GORAB: variants seen among roughly 807,000 people sequenced by gnomAD.
The protein encoded by GORAB is golgin, RAB6 interacting, also known as RAB6-interacting golgin.
In GORAB, 17 loss-of-function variants were observed where a neutral mutation model predicts 29.9. The observed-to-expected ratio is 0.57, with a 90% CI of 0.39 to 0.85. The LOEUF is 0.85. Ranked by LOEUF, GORAB falls within the 40% of genes least tolerant of loss-of-function variation. GORAB has a pLI of 0.00. For synonymous variants in GORAB, 183 were observed against 157.2 expected, an observed-to-expected ratio of 1.16 and a Z score of -1.23; for missense variants, 442 against 437.8, an observed-to-expected ratio of 1.01 and a Z score of -0.09.
chr1:170,552,498 G>A lies in GORAB; in HGVS notation c.*36G>A. 6.4e-7 allele frequency: 1 copy of A among 1,556,264 alleles called. No homozygotes were observed. Among genetic ancestry groups the A allele is most frequent in the South Asian group, 1.1e-5 (1 of 89,690 alleles). On this transcript the variant is annotated 3_prime_UTR_variant, in exon 5 of 5. Transcript: ENST00000367763. ...TTCTTTTGAGCTAATATGGTATTGA[G>A]TAAAGTATACTTTTTGCAGTAGATC... is the stretch of plus-strand genomic sequence containing the variant.
intron 4 of GORAB, among the ~76,000 whole-genome samples, chr1:170,546,539 GA>G (rs1649774909): frequency 6.6e-6 from 1 of 152,102 alleles, no homozygotes; most frequent in South Asian, 2.1e-4. Context: ...ATTACTAAAG[GA>G]AAAAACATCC....
chr1:170,540,964 A>C (rs1470715594), intron 2 of GORAB, among the ~76,000 whole-genome samples: 1 of 152,140 alleles, frequency 6.6e-6, no homozygotes, highest in Non-Finnish European at 1.5e-5. Context: ...GCACTTTGGG[A>C]GGCTGAGGCA....
Position 170,539,388 on chromosome 1 carries a change from T to C in GORAB, c.240T>C (p.Phe80=). Residue 80 remains phenylalanine, a synonymous_variant, in exon 2 of 5, where the codon TTT becomes TTC. Coordinates refer to ENST00000367763, the MANE Select transcript of GORAB (RefSeq NM_152281.3). ...GAGTTAACGTTCAAAAACCACCTTT[T>C]TCTTCCCCTACTCTTCCGAGTCATT... ...KQRVNVQKPP[F]SSPTLPSHFT... 1 of 1,614,146 alleles carries C rather than the reference T, an allele frequency of 6.2e-7. No individual in the cohort carries two copies. The highest frequency in any genetic ancestry group is 1.3e-5 in the African/African-American group (1 of 75,020).
intron 3 of GORAB, 31 bp downstream of exon 3, chr1:170,542,623 G>A (rs987817340): frequency 9.9e-6 from 13 of 1,307,042 alleles, no homozygotes; most frequent in Non-Finnish European, 1.4e-5. Context: ...GAGGCTGTTT[G>A]TAACCTGTAA....
chr1:170,532,597 G>T, intron 1 of GORAB: 1 of 380,798 alleles, frequency 2.6e-6, no homozygotes, highest in South Asian at 2.3e-5. Context: ...CTCCCTTAGG[G>T]AAGATTGCTG....
At chr1:170,537,447 G>C (rs866202924) in intron 1 of GORAB, among the ~76,000 whole-genome samples, 4 of 152,236 alleles carry the variant, frequency 2.6e-5, no homozygotes, top group African/African-American at 9.6e-5. Flanking sequence ...GAACCTCTCT[G>C]TTAGCCTTTA....
intron 1 of GORAB, chr1:170,536,408 A>C (rs1428120862): frequency 6.6e-6 from 1 of 152,216 alleles, no homozygotes; most frequent in Non-Finnish European, 1.5e-5. Flanking sequence ...ATTACAAATC[A>C]AGAATACAGT....
At position 170,539,517 on chromosome 1, in the gene GORAB, G is replaced by A; in HGVS notation, c.369G>A (p.Glu123=). Reference sequence around the variant, plus strand: ...CCCATGATGGTCACAACAATGTTGAGATTCTACCTCCAAAGCCAGATTGCA... The same window carrying A: ...CCCATGATGGTCACAACAATGTTGAAATTCTACCTCCAAAGCCAGATTGCA... ...ENSHDGHNNV[E]ILPPKPDCKL... is the part of the protein sequence containing the mutation. Residue 123 remains glutamate (E), a synonymous_variant, in exon 2 of 5, where the codon GAG becomes GAA. Transcript: ENST00000367763. The A allele has an allele frequency of 1.2e-6, 2 of 1,614,036 alleles. No individual in the cohort carries two copies. The highest frequency in any genetic ancestry group is 2.2e-5 in the South Asian group (2 of 91,054).
chr1:170,542,001 G>T (rs2101824315), intron 2 of GORAB, among the ~76,000 whole-genome samples: 1 of 152,258 alleles, frequency 6.6e-6, no homozygotes, highest in Admixed American at 6.5e-5. Flanking sequence ...GGGAAAAAGT[G>T]AGCAAATTGA....
chr1:170,545,465 A>G (rs1649699445), intron 4 of GORAB: 1 of 982,014 alleles, frequency 1.0e-6, no homozygotes, highest in Admixed American at 6.1e-5. Flanking sequence ...AAAAGAGAAA[A>G]AATACCATGG....
Position 170,539,244 on chromosome 1 carries a change from GAAAA to G in GORAB, c.97_100del (p.Lys33ValfsTer12), listed in dbSNP as rs1204274193. On this transcript the variant is annotated frameshift_variant, in exon 2 of 5. Coordinates refer to ENST00000367763, the MANE Select transcript of GORAB (RefSeq NM_152281.3). LOFTEE classifies it high-confidence loss of function. ...AACCACAGCGACGTCTCCCCGCGAA[GAAAA>G]GTCGACAACAACTTCAGCGAGAAAA... 1.2e-6 allele frequency: 2 copies of G among 1,614,132 alleles called. No homozygotes were observed. Among genetic ancestry groups the G allele is most frequent in the Admixed American group, 1.7e-5 (1 of 60,006 alleles).
intron 4 of GORAB, among the ~76,000 whole-genome samples, chr1:170,547,982 G>A (rs2101830754): frequency 6.6e-6 from 1 of 152,258 alleles, no homozygotes; most frequent in East Asian, 1.9e-4. Flanking sequence ...ACATATGATC[G>A]ATTTTATCAT....
chr1:170,545,681 T>G, intron 4 of GORAB: 1 of 984,500 alleles, frequency 1.0e-6, no homozygotes, highest in African/African-American at 1.7e-5. Context: ...TGAATCAGAA[T>G]GCCTCATTAG....
chr1:170,539,749 A>G, intron 2 of GORAB, 182 bp downstream of exon 2: 4 of 635,070 alleles, frequency 6.3e-6, no homozygotes, highest in Non-Finnish European at 8.0e-6. Context: ...AGCTGGACAC[A>G]GGCATTCTGT....
Position 170,539,719 on chromosome 1 carries a change from A to G in GORAB, c.419+152A>G, listed in dbSNP as rs531430712. 4.7e-5 allele frequency: 37 copies of G among 786,382 alleles called. No homozygotes were observed. The East Asian group carries it at 9.7e-4, about 21-fold the overall frequency. 48.7% of individuals were successfully genotyped at this position (786,382 alleles called of 1,614,324 possible). On this transcript the variant is annotated intron_variant, in intron 2 of 4. Coordinates refer to ENST00000367763, the MANE Select transcript of GORAB (RefSeq NM_152281.3). ...AATGTGATGTATAAACTATTGAAAA[A>G]TAGCTACTGCCTAAATATAAGCTGG...
chr1:170,540,989 G>A (rs567667931), intron 2 of GORAB, among the ~76,000 whole-genome samples: 2 of 152,140 alleles, frequency 1.3e-5, no homozygotes, highest in Non-Finnish European at 2.9e-5. Context: ...CATCACTTGA[G>A]GCCAAGAGTT....
At chr1:170,547,222 C>CT (rs1355659334) in intron 4 of GORAB, among the ~76,000 whole-genome samples, 1 of 151,900 alleles carries the variant, frequency 6.6e-6, no homozygotes, top group South Asian at 2.1e-4. Flanking sequence ...CTTGTTTTTT[C>CT]TTTTTTTAAT....
chr1:170,550,594 G>A (rs1650045899), intron 4 of GORAB, among the ~76,000 whole-genome samples: 1 of 152,194 alleles, frequency 6.6e-6, no homozygotes, highest in Non-Finnish European at 1.5e-5. Flanking sequence ...ATGTCAGGAA[G>A]GTTTTGAACC....
chr1:170,532,178 G>A lies in GORAB; in HGVS notation c.-46G>A, dbSNP rs777420267. On this transcript the variant is annotated 5_prime_UTR_variant, in exon 1 of 5. Coordinates refer to ENST00000367763, the MANE Select transcript of GORAB (RefSeq NM_152281.3). The stretch of plus-strand genomic sequence containing the variant: ...GCTGGGCAGCAGTGTTGGCAGTCGC[G>A]GCTGCGAGATTTGGGCACTTTTGGG... 2.6e-5 allele frequency: 42 copies of A among 1,613,446 alleles called. No homozygotes were observed. In the Admixed American group the frequency reaches 5.0e-4, roughly 19 times the overall value.
Sources: allele counts gnomAD v4.1 joint callset (sites outside exome capture counted in the v4.1 genomes callset), GRCh38; gene constraint gnomAD v4.1.1; transcripts MANE v1.5; gene names NCBI Gene and HGNC (gene_info 2026-07-23, HGNC 2026-07-21).